The following CHCHD3 variants were observed in gnomAD, a reference collection of about 807,000 sequenced individuals.
CHCHD3 encodes the protein coiled-coil-helix-coiled-coil-helix domain containing 3.
A neutral mutation model predicts 38.2 loss-of-function variants in CHCHD3; 20 were observed. The observed-to-expected ratio is 0.52, with a 90% confidence interval of 0.37 to 0.76. CHCHD3 has a LOEUF of 0.76. Among genes scored for constraint, CHCHD3 ranks in the 30% least tolerant of loss-of-function variants. CHCHD3 has a pLI of 0.00. For synonymous variants in CHCHD3, 82 were observed against 100.0 expected (o/e 0.82, Z 1.07); for missense variants, 245 against 279.2 (o/e 0.88, Z 0.87).
At position 133,024,553 on chromosome 7, in the gene CHCHD3, G is replaced by C; in HGVS notation, c.244C>G (p.Gln82Glu). ...LEQAKKESED[Q>E]KRLKQAKELD... ...TGATACCACAAAACTCACCGTTTCT[G>C]ATCTTCGGATTCTTTCTTGGCTTGC... The change falls in exon 3 of 8, where the codon CAG becomes GAG. Residue 82 changes from glutamine to glutamate, a missense_variant. By Grantham distance (29) the Gln-to-Glu change is conservative (BLOSUM62 2). Transcript: ENST00000262570. 6.2e-7 allele frequency: 1 copy of C among 1,612,378 alleles called. No homozygotes were observed. The highest frequency in any genetic ancestry group is 8.5e-7 in the Non-Finnish European group (1 of 1,178,652).
At chr7:132,917,922 A>G (rs542139487) in intron 4 of CHCHD3, among the ~76,000 whole-genome samples, 1 of 152,204 alleles carries the variant, frequency 6.6e-6, no homozygotes, top group South Asian at 2.1e-4. Context: ...ATATACATAA[A>G]AGCATGTTTA....
chr7:132,984,238 T>C (rs1204042016), intron 3 of CHCHD3, among the ~76,000 whole-genome samples: 1 of 151,598 alleles, frequency 6.6e-6, no homozygotes, highest in South Asian at 2.1e-4. Context: ...GGTTTTCGTA[T>C]TTTTTTGGTG....
At chr7:132,926,307 G>A (rs1376993953) in intron 4 of CHCHD3, among the ~76,000 whole-genome samples, 1 of 152,184 alleles carries the variant, frequency 6.6e-6, no homozygotes, top group Non-Finnish European at 1.5e-5. Context: ...CTAGATTTCG[G>A]ACAGAGATGG....
intron 4 of CHCHD3, among the ~76,000 whole-genome samples, chr7:132,967,190 T>G (rs1364321892): frequency 6.6e-6 from 1 of 152,222 alleles, no homozygotes; most frequent in African/African-American, 2.4e-5. Flanking sequence ...TTAGAAAATA[T>G]GAGAACACAT....
At chr7:132,925,373 A>C (rs1171508407) in intron 4 of CHCHD3, among the ~76,000 whole-genome samples, 1 of 152,238 alleles carries the variant, frequency 6.6e-6, no homozygotes, top group Non-Finnish European at 1.5e-5. Flanking sequence ...TGACTCTGGT[A>C]TTTATTTCAA....
At chr7:132,862,673 T>C (rs1298239345) in intron 5 of CHCHD3, among the ~76,000 whole-genome samples, 1 of 152,196 alleles carries the variant, frequency 6.6e-6, no homozygotes, top group Non-Finnish European at 1.5e-5. Context: ...TTTAATAGCA[T>C]TTACATAGAG....
chr7:132,870,912 T>C (rs1247236872), intron 5 of CHCHD3, among the ~76,000 whole-genome samples: 2 of 152,220 alleles, frequency 1.3e-5, no homozygotes, highest in Non-Finnish European at 2.9e-5. Context: ...AGATGAATGC[T>C]AACGTTTCAA....
rs913537292 is a variant in CHCHD3, at chr7:133,041,004, T to C, written c.170-16377A>G. Reference sequence around the variant, plus strand: ...AGATCACCTCGAGTGTCCCTGCTGGTAAATGTATTTCTGAAACTGTGGTTC... The same window carrying C: ...AGATCACCTCGAGTGTCCCTGCTGGCAAATGTATTTCTGAAACTGTGGTTC... On this transcript the variant is annotated intron_variant, in intron 2 of 7. Transcript: ENST00000262570. 4.6e-5 allele frequency among the ~76,000 whole-genome samples: 7 copies of C among 152,238 alleles called. No homozygotes were observed. The South Asian group carries it at 1.4e-3, about 32-fold the overall frequency.
intron 4 of CHCHD3, among the ~76,000 whole-genome samples, chr7:132,939,267 A>G (rs1486724624): frequency 2.6e-5 from 4 of 152,210 alleles, no homozygotes; most frequent in Non-Finnish European, 5.9e-5. Context: ...GTAATAGTAT[A>G]CAACAATGTC....
chr7:132,960,796 G>A (rs1811297525), intron 4 of CHCHD3, among the ~76,000 whole-genome samples: 1 of 152,234 alleles, frequency 6.6e-6, no homozygotes, highest in East Asian at 1.9e-4. Context: ...GGCCAACATG[G>A]TGAAACCCCA....
chr7:133,038,331 C>G (rs1813736016), intron 2 of CHCHD3, among the ~76,000 whole-genome samples: 1 of 152,134 alleles, frequency 6.6e-6, no homozygotes, highest in Non-Finnish European at 1.5e-5. Flanking sequence ...GCAGAATTTA[C>G]AGCACACAGT....
intron 6 of CHCHD3, among the ~76,000 whole-genome samples, chr7:132,797,330 G>A (rs774940195): frequency 4.0e-5 from 6 of 151,892 alleles, no homozygotes; most frequent in Non-Finnish European, 7.4e-5. Flanking sequence ...CTCTATATCT[G>A]GAAAAAACCT....
intron 5 of CHCHD3, among the ~76,000 whole-genome samples, chr7:132,840,478 G>A (rs1314502821): frequency 6.6e-6 from 1 of 152,318 alleles, no homozygotes; most frequent in East Asian, 1.9e-4. Context: ...ACAGGACTAA[G>A]CTGACAGATC....
chr7:133,049,741 G>A (rs909616429), intron 2 of CHCHD3, among the ~76,000 whole-genome samples: 1 of 152,148 alleles, frequency 6.6e-6, no homozygotes, highest in African/African-American at 2.4e-5. Flanking sequence ...AAAGGTAACT[G>A]TACATTAATA....
intron 3 of CHCHD3, among the ~76,000 whole-genome samples, chr7:132,985,035 C>A (rs1295601125): frequency 1.1e-5 from 1 of 94,644 alleles, no homozygotes; most frequent in Non-Finnish European, 2.2e-5. Context: ...TGGGGGTCAG[C>A]CCCCCGCCCG....
intron 5 of CHCHD3, among the ~76,000 whole-genome samples, chr7:132,853,016 G>A (rs1015282751): frequency 6.6e-6 from 1 of 152,174 alleles, no homozygotes; most frequent in Non-Finnish European, 1.5e-5. Flanking sequence ...CTCAGCACCA[G>A]ATGAGCTGTA....
At chr7:132,959,001 T>C (rs10254275) in intron 4 of CHCHD3, among the ~76,000 whole-genome samples, 2,650 of 152,314 alleles carry the variant, frequency 0.017, 79 homozygotes, top group African/African-American at 0.06. Context: ...AATGGTGGTC[T>C]TGCCAAATTA....
intron 6 of CHCHD3, among the ~76,000 whole-genome samples, chr7:132,833,815 G>C (rs907820942): frequency 6.6e-6 from 1 of 152,178 alleles, no homozygotes; most frequent in Non-Finnish European, 1.5e-5. Flanking sequence ...TGTTAGTCAT[G>C]GGCAGCTTCA....
intron 2 of CHCHD3, among the ~76,000 whole-genome samples, chr7:133,056,554 T>G (rs1814337870): frequency 6.6e-6 from 1 of 152,158 alleles, no homozygotes; most frequent in Non-Finnish European, 1.5e-5. Flanking sequence ...CTCTGGCACT[T>G]AGTACAGTGT....
Sources: gnomAD v4.1 joint callset for allele counts (sites outside exome capture counted in the v4.1 genomes callset) on GRCh38, gnomAD v4.1.1 for gene constraint, MANE v1.5 for transcripts, NCBI Gene and HGNC (gene_info 2026-07-23, HGNC 2026-07-21) for gene names.